The following CDK14 variants were observed in gnomAD, a reference collection of about 807,000 sequenced individuals.
The protein encoded by CDK14 is cyclin dependent kinase 14.
Under a neutral mutation model 60.7 loss-of-function variants are expected in CDK14, and 34 were observed. The observed-to-expected ratio is 0.56, with a 90% confidence interval of 0.43 to 0.75. The LOEUF (loss-of-function observed/expected upper bound fraction) is 0.75, where lower values mean the gene tolerates loss of function less well. Ranked by LOEUF, CDK14 falls within the 30% of genes least tolerant of loss-of-function variation. The probability of loss-of-function intolerance (pLI) is 0.00; values close to 1 mark genes in which losing one functional copy is unlikely to be tolerated. For synonymous variants in CDK14, 197 were observed against 203.7 expected (o/e 0.97, Z 0.28); for missense variants, 482 against 564.1 (o/e 0.85, Z 1.47).
chr7:90,620,883 T>C (rs1321796535), intron 2 of CDK14, among the ~76,000 whole-genome samples: 2 of 152,140 alleles, frequency 1.3e-5, no homozygotes, highest in Non-Finnish European at 2.9e-5. Context: ...AAGTCCAAAT[T>C]TAGGCTTCCT....
chr7:91,037,593 A>G (rs1206076309), intron 10 of CDK14, among the ~76,000 whole-genome samples: 1 of 152,186 alleles, frequency 6.6e-6, no homozygotes, highest in Non-Finnish European at 1.5e-5. Context: ...TAGCTCTTCA[A>G]AGCATGGTCT....
At chr7:90,898,395 T>C (rs992621235) in intron 6 of CDK14, among the ~76,000 whole-genome samples, 10 of 152,094 alleles carry the variant, frequency 6.6e-5, no homozygotes, top group Non-Finnish European at 1.5e-4. Context: ...ACTGTTGTTA[T>C]AAATGACTAC....
At chr7:91,065,114 T>G (rs995648997) in intron 11 of CDK14, among the ~76,000 whole-genome samples, 5 of 152,332 alleles carry the variant, frequency 3.3e-5, no homozygotes, top group African/African-American at 1.2e-4. Context: ...TGCTCAAAGA[T>G]TACTCATTTA....
At chr7:91,145,918 C>CTTTATTTATTTA (rs144547153) in intron 14 of CDK14, among the ~76,000 whole-genome samples, 14 of 147,852 alleles carry the variant, frequency 9.5e-5, no homozygotes, top group African/African-American at 3.0e-4. Flanking sequence ...ACCTGGCTTG[C>CTTTATTTATTTA]TTTATTTATT....
chr7:90,758,847 G>C (rs1017562305), intron 4 of CDK14, among the ~76,000 whole-genome samples: 1 of 152,220 alleles, frequency 6.6e-6, no homozygotes, highest in Non-Finnish European at 1.5e-5. Context: ...CCTGAGGCCA[G>C]GAGTTCGAGA....
At chr7:90,721,219 T>A (rs1327690258) in intron 2 of CDK14, among the ~76,000 whole-genome samples, 1 of 152,180 alleles carries the variant, frequency 6.6e-6, no homozygotes, top group African/African-American at 2.4e-5. Context: ...CCACAGGCCC[T>A]GATCATTCAT....
chr7:90,829,367 A>G (rs931493133), intron 5 of CDK14, among the ~76,000 whole-genome samples: 16 of 152,156 alleles, frequency 1.1e-4, no homozygotes, highest in African/African-American at 3.4e-4. Context: ...GACACAAGCA[A>G]GTCCCTTCTG....
intron 11 of CDK14, among the ~76,000 whole-genome samples, chr7:91,070,378 C>G (rs569939404): frequency 6.6e-6 from 1 of 150,716 alleles, no homozygotes; most frequent in South Asian, 2.1e-4. Flanking sequence ...GAGACTTGTT[C>G]TGTTTTGTTC....
intron 8 of CDK14, among the ~76,000 whole-genome samples, chr7:90,947,409 C>T (rs747789261): frequency 6.6e-6 from 1 of 152,202 alleles, no homozygotes; most frequent in Non-Finnish European, 1.5e-5. Context: ...TTTTCCCAGC[C>T]ACTTACTACA....
At chr7:91,070,448 T>A (rs1259717482) in intron 11 of CDK14, among the ~76,000 whole-genome samples, 1 of 152,168 alleles carries the variant, frequency 6.6e-6, no homozygotes, top group African/African-American at 2.4e-5. Context: ...ATTAACTATG[T>A]GTGGAATTAA....
chr7:91,183,030 A>C (rs565830438), intron 14 of CDK14, among the ~76,000 whole-genome samples: 16 of 152,320 alleles, frequency 1.1e-4, no homozygotes, highest in Middle Eastern at 6.8e-3. Context: ...GCAAACTTCT[A>C]ATGTTTAGTT....
intron 14 of CDK14, among the ~76,000 whole-genome samples, chr7:91,148,849 T>C (rs1409676885): frequency 3.3e-5 from 5 of 152,184 alleles, no homozygotes; most frequent in Non-Finnish European, 7.3e-5. Flanking sequence ...CTATGGGAGA[T>C]ATACCTACTG....
At chr7:90,717,428 C>G (rs1365405689) in intron 2 of CDK14, among the ~76,000 whole-genome samples, 4 of 152,030 alleles carry the variant, frequency 2.6e-5, no homozygotes, top group African/African-American at 9.7e-5. Flanking sequence ...TGTAACAAAA[C>G]TACAGTCACT....
intron 2 of CDK14, among the ~76,000 whole-genome samples, chr7:90,688,852 C>T (rs1434663661): frequency 6.6e-6 from 1 of 152,146 alleles, no homozygotes; most frequent in Non-Finnish European, 1.5e-5. Flanking sequence ...TTACTCTGCC[C>T]ACCCAAAAGC....
chr7:90,803,327 G>A (rs760783861), intron 5 of CDK14, among the ~76,000 whole-genome samples: 1 of 152,098 alleles, frequency 6.6e-6, no homozygotes, highest in Admixed American at 6.6e-5. Flanking sequence ...TTCAGATTAT[G>A]CAGTGTTAGA....
chr7:90,981,701 A>G (rs1352994451), intron 9 of CDK14, among the ~76,000 whole-genome samples: 2 of 152,172 alleles, frequency 1.3e-5, no homozygotes, highest in Admixed American at 6.5e-5. Context: ...AAGTGTCCCA[A>G]TATGTTCGTG....
At chr7:90,934,580 T>G (rs1416732951) in intron 8 of CDK14, among the ~76,000 whole-genome samples, 2 of 152,228 alleles carry the variant, frequency 1.3e-5, no homozygotes, top group Non-Finnish European at 2.9e-5. Flanking sequence ...TTCTTCTAAC[T>G]TTGTCACCAG....
chr7:90,979,367 C>T (rs1795165190), intron 9 of CDK14: 2 of 152,172 alleles, frequency 1.3e-5, no homozygotes, highest in Admixed American at 6.6e-5. Context: ...TCTGTTTTCT[C>T]AACCTGGAAT....
intron 2 of CDK14, among the ~76,000 whole-genome samples, chr7:90,646,990 C>A (rs1327400499): frequency 6.6e-6 from 1 of 152,114 alleles, no homozygotes; most frequent in Non-Finnish European, 1.5e-5. Flanking sequence ...TGTTTTTCCA[C>A]CTTTACCCTT....
Sources: gnomAD v4.1 joint callset for allele counts (sites outside exome capture counted in the v4.1 genomes callset) on GRCh38, gnomAD v4.1.1 for gene constraint, MANE v1.5 for transcripts, NCBI Gene and HGNC (gene_info 2026-07-23, HGNC 2026-07-21) for gene names.